Variants in EIF4H observed in about 807,000 individuals in gnomAD.
EIF4H encodes eukaryotic translation initiation factor 4H, also known as Williams-Beuren syndrome chromosome region 1.
EIF4H carries 8 observed loss-of-function variants against 30.6 expected under a neutral mutation model. The observed-to-expected ratio is 0.26, with a 90% CI of 0.15 to 0.47. EIF4H has a LOEUF of 0.47. Among genes scored for constraint, EIF4H ranks in the 20% least tolerant of loss-of-function variants. EIF4H has a pLI of 0.99. For missense variants in EIF4H, 188 were observed against 339.5 expected (o/e 0.55, Z 3.51); for synonymous variants, 106 against 122.7 (o/e 0.86, Z 0.90).
chr7:74,178,372 A>G (rs1800886350), intron 1 of EIF4H, among the ~76,000 whole-genome samples: 1 of 152,088 alleles, frequency 6.6e-6, no homozygotes, highest in African/African-American at 2.4e-5. Flanking sequence ...CAACGTGGCA[A>G]AACCCCATGT....
chr7:74,175,245 A>G (rs1051186311), intron 1 of EIF4H, among the ~76,000 whole-genome samples: 2 of 152,216 alleles, frequency 1.3e-5, no homozygotes, highest in Non-Finnish European at 2.9e-5. Context: ...TAGAGAGCTC[A>G]TGGTGTTTAA....
chr7:74,177,183 A>G (rs1554707790), intron 1 of EIF4H, among the ~76,000 whole-genome samples: 1 of 152,182 alleles, frequency 6.6e-6, no homozygotes. Flanking sequence ...TCTTGGACTC[A>G]AGTGATCCTC....
intron 1 of EIF4H, among the ~76,000 whole-genome samples, chr7:74,175,509 G>C (rs1800818138): frequency 6.6e-6 from 1 of 152,188 alleles, no homozygotes; most frequent in South Asian, 2.1e-4. Flanking sequence ...GAACGGCTCA[G>C]ACAAAAGCTT....
chr7:74,175,116 C>T (rs979093168), intron 1 of EIF4H, among the ~76,000 whole-genome samples: 1 of 152,216 alleles, frequency 6.6e-6, no homozygotes, highest in South Asian at 2.1e-4. Flanking sequence ...AATTTCATTT[C>T]TCCTTGGTTT....
chr7:74,189,995 G>C, intron 4 of EIF4H, 77 bp downstream of exon 4: 1 of 1,511,152 alleles, frequency 6.6e-7, no homozygotes, highest in South Asian at 1.2e-5. Flanking sequence ...AACGTTCCTA[G>C]TAGAACTCGA....
At chr7:74,175,075 G>A (rs1382225798) in intron 1 of EIF4H, among the ~76,000 whole-genome samples, 1 of 152,250 alleles carries the variant, frequency 6.6e-6, no homozygotes, top group Middle Eastern at 3.2e-3. Context: ...GGGTCACAGT[G>A]CCTTGACAGG....
rs782599059 is a variant in EIF4H, at chr7:74,174,389, G to A, written c.6G>A (p.Ala2=). 16 of 1,459,812 alleles carry A rather than the reference G, an allele frequency of 1.1e-5. No individual in the cohort carries two copies. Among genetic ancestry groups the A allele is most frequent in the South Asian group, 5.5e-5 (4 of 73,314 alleles). 90.4% of individuals were successfully genotyped at this position (1,459,812 alleles called of 1,614,324 possible). A position where few individuals can be genotyped will look rare whatever the true frequency, so the allele number is the denominator to read the frequency against. The change falls in exon 1 of 7, where the codon GCG becomes GCA. Residue 2 remains alanine (A), a synonymous_variant. Transcript: ENST00000265753. M[A]DFDTYDDRAY... ...TCTCGGAGCGGAGACGGCAAATGGC[G>A]GACTTCGACACCTACGACGATCGGG...
At position 74,194,821 on chromosome 7, in the gene EIF4H, T is replaced by G. The variant is rs1456143472; in HGVS notation, c.550T>G (p.Phe184Val). 6.2e-7 allele frequency: 1 copy of G among 1,605,366 alleles called. No homozygotes were observed. Among genetic ancestry groups the G allele is most frequent in the Admixed American group, 1.7e-5 (1 of 59,820 alleles). The part of the protein sequence containing the change: ...RRTGPPMGSR[F>V]RDGPPLRGSN... Reference sequence around the variant, plus strand: ...AACAGGCCCCCCCATGGGCAGCCGCTTCAGAGATGGCCCTCCCCTCCGTGG... The same window carrying G: ...AACAGGCCCCCCCATGGGCAGCCGCGTCAGAGATGGCCCTCCCCTCCGTGG... Residue 184 changes from phenylalanine (F) to valine (V), a missense_variant, in exon 6 of 7, where the codon TTC becomes GTC. Coordinates refer to ENST00000265753, the MANE Select transcript of EIF4H (RefSeq NM_022170.2).
chr7:74,192,737 G>C (rs1193089894), intron 5 of EIF4H, among the ~76,000 whole-genome samples: 3 of 140,230 alleles, frequency 2.1e-5, no homozygotes, highest in Non-Finnish European at 4.5e-5. Context: ...GAGTGCAGTG[G>C]CATGATTTCG....
intron 6 of EIF4H, 139 bp from the exon 7 acceptor site, chr7:74,195,030 A>G (rs1273461053): frequency 1.3e-6 from 2 of 1,512,154 alleles, no homozygotes; most frequent in African/African-American, 1.4e-5. Context: ...CTTGGTCATT[A>G]GAGCATCTGC....
At chr7:74,190,934 T>TA (rs141891893) in intron 5 of EIF4H, among the ~76,000 whole-genome samples, 2,212 of 152,302 alleles carry the variant, frequency 0.015, 41 homozygotes, top group African/African-American at 0.049. Flanking sequence ...ATGCACATGA[T>TA]AAAAACTTCA....
chr7:74,176,232 G>A (rs1218290980), intron 1 of EIF4H, among the ~76,000 whole-genome samples: 3 of 150,772 alleles, frequency 2.0e-5, no homozygotes, highest in Non-Finnish European at 4.4e-5. Flanking sequence ...ATTTATACAT[G>A]TGTATTCTTT....
At chr7:74,192,514 G>T (rs1435721895) in intron 5 of EIF4H, among the ~76,000 whole-genome samples, 3 of 151,860 alleles carry the variant, frequency 2.0e-5, no homozygotes, top group Non-Finnish European at 4.4e-5. Context: ...AATAGAAATC[G>T]GCCCCCACCA....
At chr7:74,180,953 G>C (rs1218585304) in intron 1 of EIF4H, among the ~76,000 whole-genome samples, 1 of 152,082 alleles carries the variant, frequency 6.6e-6, no homozygotes, top group African/African-American at 2.4e-5. Flanking sequence ...TGCCTAAGCT[G>C]GTCTTGAACT....
chr7:74,196,258 C>A lies in EIF4H; in HGVS notation c.*950C>A, dbSNP rs1554710764. 1 of 152,762 alleles carries A rather than the reference C, an allele frequency of 6.5e-6. No homozygotes were observed. The highest frequency in any genetic ancestry group is 2.1e-4 in the South Asian group (1 of 4,838). 9.5% of individuals were successfully genotyped at this position (152,762 alleles called of 1,614,324 possible). A position where few individuals can be genotyped will look rare whatever the true frequency, so the allele number is the denominator to read the frequency against. On this transcript the variant is annotated 3_prime_UTR_variant, in exon 7 of 7. Coordinates refer to ENST00000265753, the MANE Select transcript of EIF4H (RefSeq NM_022170.2). ...CAGCGTTTCCCCCCATCCCTGTTGCCTGTGTGTTGTGTGGATCTGTTCCTA... is the reference window on the plus strand; with the variant it reads ...CAGCGTTTCCCCCCATCCCTGTTGCATGTGTGTTGTGTGGATCTGTTCCTA...
chr7:74,192,213 C>T lies in EIF4H; in HGVS notation c.469+1907C>T, dbSNP rs147841876. Among the ~76,000 whole-genome samples the T allele has an allele frequency of 7.9e-5, 12 of 152,256 alleles. No individual in the cohort carries two copies. In the East Asian group the frequency reaches 2.3e-3, roughly 29 times the overall value. On this transcript the variant is annotated intron_variant, in intron 5 of 6. Coordinates refer to ENST00000265753, the MANE Select transcript of EIF4H (RefSeq NM_022170.2). ...AAAGGGTGTAAATTTACTTTGTACTCACGTGGAAAGGTACACTTCACAGTT... is the reference window on the plus strand; with the variant it reads ...AAAGGGTGTAAATTTACTTTGTACTTACGTGGAAAGGTACACTTCACAGTT...
intron 1 of EIF4H, among the ~76,000 whole-genome samples, chr7:74,181,832 T>G (rs1563949050): frequency 6.6e-6 from 1 of 151,422 alleles, no homozygotes; most frequent in Non-Finnish European, 1.5e-5. Flanking sequence ...CCACCACCCC[T>G]CAGCCTCCCG....
chr7:74,178,938 T>A (rs1800898029), intron 1 of EIF4H, among the ~76,000 whole-genome samples: 1 of 152,198 alleles, frequency 6.6e-6, no homozygotes, highest in African/African-American at 2.4e-5. Context: ...GGTTGATGAG[T>A]CTCTGGTTAA....
At chr7:74,174,999 C>T (rs891910631) in intron 1 of EIF4H, among the ~76,000 whole-genome samples, 3 of 152,214 alleles carry the variant, frequency 2.0e-5, no homozygotes, top group Non-Finnish European at 4.4e-5. Flanking sequence ...GATGGTACGA[C>T]TCCTTGCGGG....
Sources: gnomAD v4.1 joint callset for allele counts (sites outside exome capture counted in the v4.1 genomes callset) on GRCh38, gnomAD v4.1.1 for gene constraint, MANE v1.5 for transcripts, NCBI Gene and HGNC (gene_info 2026-07-23, HGNC 2026-07-21) for gene names.